CYB5D1: variants seen among roughly 807,000 people sequenced by gnomAD.
CYB5D1 encodes cytochrome b5 domain containing 1, also known as cytochrome b5 domain-containing protein 1.
Under a neutral mutation model 24.3 loss-of-function variants are expected in CYB5D1, and 30 were observed. That is an observed-to-expected ratio of 1.23 (90% CI 0.92 to 1.67). CYB5D1 has a LOEUF of 1.67. Ranked by LOEUF, CYB5D1 falls within the 40% of genes most tolerant of loss-of-function variation. The probability of loss-of-function intolerance (pLI) is 0.00; values close to 1 mark genes in which losing one functional copy is unlikely to be tolerated. For missense variants in CYB5D1, 265 were observed against 296.7 expected (o/e 0.89, Z 0.79); for synonymous variants, 128 against 123.2 (o/e 1.04, Z -0.26).
chr17:7,858,020 C>A lies in CYB5D1; in HGVS notation c.-115C>A. ...AAAAGGACAATGGTTTCCATGTCAGCGGATAAACGCTCTCCCCTCGGCTCC... is the reference window on the plus strand; with the variant it reads ...AAAAGGACAATGGTTTCCATGTCAGAGGATAAACGCTCTCCCCTCGGCTCC... On this transcript the variant is annotated 5_prime_UTR_variant, in exon 1 of 4. Coordinates refer to ENST00000332439, the MANE Select transcript of CYB5D1 (RefSeq NM_144607.6). The A allele has an allele frequency of 6.5e-7, 1 of 1,527,334 alleles. No individual in the cohort carries two copies. The allele number at this position is 1,527,334 out of a possible 1,614,324, so 94.6% of individuals were successfully genotyped here.
Position 7,859,711 on chromosome 17 carries a change from C to G in CYB5D1, c.*99C>G. Reference sequence around the variant, plus strand: ...GGTGGGGCCGAGGGGTGCCTGGACCCAGATCTCCACTCCTCTCCAGGAGCT... The same window carrying G: ...GGTGGGGCCGAGGGGTGCCTGGACCGAGATCTCCACTCCTCTCCAGGAGCT... On this transcript the variant is annotated 3_prime_UTR_variant, in exon 4 of 4. Coordinates refer to ENST00000332439, the MANE Select transcript of CYB5D1 (RefSeq NM_144607.6). The G allele has an allele frequency of 1.0e-6, 1 of 990,904 alleles. No homozygotes were observed. Among genetic ancestry groups the G allele is most frequent in the Non-Finnish European group, 1.6e-6 (1 of 639,432 alleles). 61.4% of individuals were successfully genotyped at this position (990,904 alleles called of 1,614,324 possible).
In CYB5D1 at chr17:7,858,255, C is replaced by T. The variant is rs977352006; in HGVS notation, c.121C>T (p.Arg41Cys). The T allele has an allele frequency of 1.2e-6, 2 of 1,613,902 alleles. No homozygotes were observed. Among genetic ancestry groups the T allele is most frequent in the Non-Finnish European group, 1.7e-6 (2 of 1,180,036 alleles). The change falls in exon 1 of 4, where the codon CGC becomes TGC. Residue 41 changes from arginine to cysteine, a missense_variant. Arg to Cys is a radical substitution (Grantham distance 180). Coordinates refer to ENST00000332439, the MANE Select transcript of CYB5D1 (RefSeq NM_144607.6). ...AGACCTCTGGGTATCTTACCTGGGA[C>T]GCGTGTACGACCTAACGTCATTGGC... ...PEDLWVSYLG[R>C]VYDLTSLAQE...
chr17:7,858,532 T>C lies in CYB5D1; in HGVS notation c.237+53T>C, dbSNP rs2078853473. 36 of 1,613,720 alleles carry C rather than the reference T, an allele frequency of 2.2e-5. No homozygotes were observed. In the South Asian group the frequency reaches 4.0e-4, roughly 18 times the overall value. ...GGGTAGAGGAAATGGAGAGCGGGGA[T>C]GGGAAGGAAAGGCGGAGGCTAGCCA... On this transcript the variant is annotated intron_variant, in intron 2 of 3. Transcript: ENST00000332439.
In CYB5D1 at chr17:7,860,244, C is replaced by T. The variant is rs2078873189; in HGVS notation, c.*632C>T. ...TCATGGCTCACTGCAGCCTGGAGCTCCTGGGCACAAGTGATCCTCCCATCT... is the reference window on the plus strand; with the variant it reads ...TCATGGCTCACTGCAGCCTGGAGCTTCTGGGCACAAGTGATCCTCCCATCT... On this transcript the variant is annotated 3_prime_UTR_variant, in exon 4 of 4. Coordinates refer to ENST00000332439, the MANE Select transcript of CYB5D1 (RefSeq NM_144607.6). The T allele has an allele frequency of 6.6e-6, 1 of 152,516 alleles. No individual in the cohort carries two copies. Among genetic ancestry groups the T allele is most frequent in the Admixed American group, 6.5e-5 (1 of 15,284 alleles). 9.4% of individuals were successfully genotyped at this position (152,516 alleles called of 1,614,324 possible).
Position 7,859,319 on chromosome 17 carries a change from C to G in CYB5D1, c.457-63C>G. 2.2e-6 allele frequency: 3 copies of G among 1,360,974 alleles called. No homozygotes were observed. In the South Asian group the frequency reaches 3.6e-5, roughly 16 times the overall value. 84.3% of individuals were successfully genotyped at this position (1,360,974 alleles called of 1,614,324 possible). ...TCTGCCAAGGGAGGCACTTTGATCC[C>G]AGCGTGTGTATATGTATACTCCATC... is the stretch of plus-strand genomic sequence containing the variant. On this transcript the variant is annotated intron_variant, in intron 3 of 3. Coordinates refer to ENST00000332439, the MANE Select transcript of CYB5D1 (RefSeq NM_144607.6).
chr17:7,858,515 G>A (rs1371668075), intron 2 of CYB5D1, 36 bp downstream of exon 2: 2 of 1,614,100 alleles, frequency 1.2e-6, no homozygotes, highest in Non-Finnish European at 1.7e-6. Context: ...GTGGGTAGAG[G>A]AAATGGAGAG....
Position 7,858,693 on chromosome 17 carries a change from T to C in CYB5D1, c.325T>C (p.Cys109Arg), listed in dbSNP as rs1226076071. The C allele has an allele frequency of 6.2e-7, 1 of 1,611,288 alleles. No individual in the cohort carries two copies. Among genetic ancestry groups the C allele is most frequent in the South Asian group, 1.1e-5 (1 of 90,828 alleles). The change falls in exon 3 of 4, where the codon TGT (cysteine) becomes CGT (arginine). Residue 109 changes from cysteine to arginine, a missense_variant. Transcript: ENST00000332439. Reference sequence around the variant, plus strand: ...TGTGCACGTTCCGCCTCAGCTGCCCTGTTCGGACTGGGCCAACGATTTTGG... The same window carrying C: ...TGTGCACGTTCCGCCTCAGCTGCCCCGTTCGGACTGGGCCAACGATTTTGG... ...RFVHVPPQLP[C>R]SDWANDFGKP...
At chr17:7,858,547 G>T (rs539716300) in intron 2 of CYB5D1, 59 bp from the exon 3 acceptor site, 825 of 1,613,414 alleles carry the variant, frequency 5.1e-4, no homozygotes, top group South Asian at 1.2e-3. Flanking sequence ...AGGAAAGGCG[G>T]AGGCTAGCCA....
rs2078877309 is a variant in CYB5D1 at position 7,860,776 on chromosome 17, A to G, written c.*1164A>G. 1 of 152,188 alleles carries G rather than the reference A, an allele frequency of 6.6e-6. No homozygotes were observed. Among genetic ancestry groups the G allele is most frequent in the Non-Finnish European group, 1.5e-5 (1 of 68,056 alleles). The allele number at this position is 152,188 out of a possible 1,614,324, so 9.4% of individuals were successfully genotyped here. A position where few individuals can be genotyped will look rare whatever the true frequency, so the allele number is the denominator to read the frequency against. ...TGGCGAAGAGGAGGCAAGGAAGGCT[A>G]AGTGTCAGTTAAGCAATAGCTATTG... On this transcript the variant is annotated 3_prime_UTR_variant, in exon 4 of 4. Coordinates refer to ENST00000332439, the MANE Select transcript of CYB5D1 (RefSeq NM_144607.6).
In CYB5D1 at chr17:7,859,673, C is replaced by G. The variant is rs533902225; in HGVS notation, c.*61C>G. On this transcript the variant is annotated 3_prime_UTR_variant, in exon 4 of 4. Transcript: ENST00000332439. ...ATTTCGAGTTTGGCTTTTTCTGTGC[C>G]TTGAGGAAAAGTGGTGGGGCCGAGG... 10 of 1,537,486 alleles carry G rather than the reference C, an allele frequency of 6.5e-6. No homozygotes were observed. In the South Asian group the frequency reaches 9.0e-5, roughly 14 times the overall value.
intron 3 of CYB5D1, chr17:7,859,163 G>C: frequency 3.3e-6 from 2 of 601,190 alleles, no homozygotes; most frequent in Non-Finnish European, 5.9e-6. Context: ...TGAGGGGACA[G>C]TTGACCCTTT....
In CYB5D1 at chr17:7,858,790, T is replaced by C; in HGVS notation, c.422T>C (p.Ile141Thr). The C allele has an allele frequency of 6.4e-7, 1 of 1,573,022 alleles. No homozygotes were observed. The highest frequency in any genetic ancestry group is 2.2e-5 in the East Asian group (1 of 44,594). ...LSAKTRSIRI[I>T]NTLTSQEHTL... ...GCCAAGACCCGGAGCATCCGCATCATTAACACGCTCACGTCGCAGGAGCAC... is the reference window on the plus strand; with the variant it reads ...GCCAAGACCCGGAGCATCCGCATCACTAACACGCTCACGTCGCAGGAGCAC... Residue 141 changes from isoleucine to threonine, a missense_variant, in exon 3 of 4, where the codon ATT becomes ACT. Ile to Thr is a moderately conservative substitution (Grantham distance 89). Transcript: ENST00000332439.
In CYB5D1 at chr17:7,859,411, C is replaced by T; in HGVS notation, c.486C>T (p.Ile162=). The stretch of plus-strand genomic sequence containing the variant: ...GGGTTCTGGAGTCCATATGGGAAAT[C>T]CTACACCGCTATCTCCCCTATAACT... ...EVGVLESIWE[I]LHRYLPYNSH... The change falls in exon 4 of 4, where the codon ATC becomes ATT. Residue 162 remains isoleucine (I), a synonymous_variant. Transcript: ENST00000332439. 2 of 1,614,066 alleles carry T rather than the reference C, an allele frequency of 1.2e-6. No homozygotes were observed. The highest frequency in any genetic ancestry group is 1.1e-5 in the South Asian group (1 of 91,078).
Sources: gnomAD v4.1 joint callset for allele counts on GRCh38, gnomAD v4.1.1 for gene constraint, MANE v1.5 for transcripts, NCBI Gene and HGNC (gene_info 2026-07-23, HGNC 2026-07-21) for gene names.